THSD7B: variants seen among roughly 807,000 people sequenced by gnomAD.
The protein encoded by THSD7B is thrombospondin type-1 domain-containing protein 7B.
Under a neutral mutation model 213.6 loss-of-function variants are expected in THSD7B, and 138 were observed. That is an observed-to-expected ratio of 0.65 (90% CI 0.56 to 0.74). The LOEUF is 0.74. Among genes scored for constraint, THSD7B ranks in the 30% least tolerant of loss-of-function variants. The pLI, the probability that THSD7B is intolerant of heterozygous loss-of-function variation, is 0.00. For missense variants in THSD7B, 1,931 were observed against 1,991.5 expected (o/e 0.97, Z 0.58); for synonymous variants, 742 against 687.0 (o/e 1.08, Z -1.25).
At chr2:137,319,530 C>T (rs1189661778) in intron 12 of THSD7B, among the ~76,000 whole-genome samples, 6 of 152,208 alleles carry the variant, frequency 3.9e-5, no homozygotes, top group Non-Finnish European at 8.8e-5. Context: ...TTAATCCAGA[C>T]CCTTGCTGTT....
At chr2:137,381,616 C>T (rs981553119) in intron 12 of THSD7B, among the ~76,000 whole-genome samples, 1 of 152,170 alleles carries the variant, frequency 6.6e-6, no homozygotes, top group Non-Finnish European at 1.5e-5. Context: ...CCTGCGGGGG[C>T]CTCCCCAGTG....
At chr2:137,115,082 TCTTA>T (rs1234530055) in intron 4 of THSD7B, 38 bp from the exon 5 acceptor site, 1 of 1,610,514 alleles carries the variant, frequency 6.2e-7, no homozygotes, top group African/African-American at 1.3e-5. Context: ...TGTATATTTT[TCTTA>T]CTTCTTCTTC....
chr2:137,187,756 G>T (rs924828497), intron 7 of THSD7B, among the ~76,000 whole-genome samples: 1 of 152,114 alleles, frequency 6.6e-6, no homozygotes, highest in Admixed American at 6.6e-5. Flanking sequence ...AATATCTTGT[G>T]TTGATAGACT....
intron 7 of THSD7B, among the ~76,000 whole-genome samples, chr2:137,205,973 C>T (rs1183609433): frequency 1.3e-5 from 2 of 151,668 alleles, no homozygotes; most frequent in African/African-American, 4.8e-5. Context: ...TCTTCTATTA[C>T]TAAAGTATAT....
At chr2:137,095,974 T>A (rs113897761) in intron 4 of THSD7B, among the ~76,000 whole-genome samples, 3 of 152,184 alleles carry the variant, frequency 2.0e-5, no homozygotes, top group Non-Finnish European at 4.4e-5. Flanking sequence ...AGTGCTGGGA[T>A]TGCAGGCTTG....
chr2:137,061,075 A>G (rs1687260435), intron 3 of THSD7B, among the ~76,000 whole-genome samples: 1 of 151,716 alleles, frequency 6.6e-6, no homozygotes. Context: ...ATTGTGTCAG[A>G]TTTAGATTAA....
chr2:137,564,237 A>G (rs1468045591), intron 16 of THSD7B, among the ~76,000 whole-genome samples: 1 of 152,202 alleles, frequency 6.6e-6, no homozygotes, highest in East Asian at 1.9e-4. Flanking sequence ...GTCAGTTGCA[A>G]GGCAGAGCCT....
intron 6 of THSD7B, among the ~76,000 whole-genome samples, chr2:137,161,155 T>A (rs1046134359): frequency 1.2e-4 from 18 of 152,216 alleles, no homozygotes; most frequent in Non-Finnish European, 5.9e-5. Flanking sequence ...TGTTTATTTT[T>A]GTAGGCCTCT....
At chr2:137,305,665 T>G (rs1246227887) in intron 12 of THSD7B, among the ~76,000 whole-genome samples, 1 of 152,150 alleles carries the variant, frequency 6.6e-6, no homozygotes, top group Non-Finnish European at 1.5e-5. Flanking sequence ...AAAGTCCTAC[T>G]ACCTTCCTTA....
chr2:137,086,309 C>A (rs1390885967), intron 3 of THSD7B, among the ~76,000 whole-genome samples: 1 of 152,028 alleles, frequency 6.6e-6, no homozygotes, highest in Non-Finnish European at 1.5e-5. Flanking sequence ...TGCACCCTAG[C>A]CTGGGCAACA....
chr2:137,613,413 G>T (rs368107556), intron 17 of THSD7B, among the ~76,000 whole-genome samples: 42 of 152,206 alleles, frequency 2.8e-4, no homozygotes, highest in African/African-American at 9.1e-4. Flanking sequence ...TTTAAATCAG[G>T]CAAAAGGCTT....
chr2:137,219,928 T>G (rs571163213), intron 7 of THSD7B, among the ~76,000 whole-genome samples: 1 of 152,310 alleles, frequency 6.6e-6, no homozygotes, highest in African/African-American at 2.4e-5. Flanking sequence ...CAGTTGTTAC[T>G]TCAGTAAACA....
intron 15 of THSD7B, among the ~76,000 whole-genome samples, chr2:137,495,422 C>G (rs1679538838): frequency 6.6e-6 from 1 of 152,110 alleles, no homozygotes; most frequent in African/African-American, 2.4e-5. Context: ...CTCCCTCAAT[C>G]TATCACCCAT....
At chr2:137,630,834 G>A (rs1682727135) in intron 20 of THSD7B, among the ~76,000 whole-genome samples, 1 of 152,164 alleles carries the variant, frequency 6.6e-6, no homozygotes, top group African/African-American at 2.4e-5. Context: ...ATTAAAGTGG[G>A]CATGCGAGTT....
chr2:137,314,910 C>A (rs952218376), intron 12 of THSD7B, among the ~76,000 whole-genome samples: 6 of 152,340 alleles, frequency 3.9e-5, no homozygotes, highest in East Asian at 1.9e-4. Flanking sequence ...CTCTCTTCAA[C>A]GCTGTCAGAC....
At chr2:137,160,391 C>A in intron 6 of THSD7B, 23 bp downstream of exon 6, 1 of 1,608,926 alleles carries the variant, frequency 6.2e-7, no homozygotes, top group Non-Finnish European at 8.5e-7. Context: ...TTTGCATGCG[C>A]TTCATTTGCT....
chr2:137,159,085 G>A (rs77391598), intron 5 of THSD7B, among the ~76,000 whole-genome samples: 7,948 of 152,068 alleles, frequency 0.052, 675 homozygotes, highest in African/African-American at 0.18. Flanking sequence ...GTCTTCACAA[G>A]GATTGGGATC....
intron 7 of THSD7B, among the ~76,000 whole-genome samples, chr2:137,223,735 A>G (rs56341734): frequency 0.54 from 81,563 of 151,954 alleles, 22,121 homozygotes; most frequent in South Asian, 0.7. Flanking sequence ...ATGTGGTTTG[A>G]ATTTGTGACT....
chr2:137,589,434 T>A (rs1683707093), intron 17 of THSD7B, among the ~76,000 whole-genome samples: 2 of 152,342 alleles, frequency 1.3e-5, no homozygotes, highest in African/African-American at 2.4e-5. Context: ...TCTACATTTT[T>A]AAAATTCAAC....
Sources: gnomAD v4.1 joint callset for allele counts (sites outside exome capture counted in the v4.1 genomes callset) on GRCh38, gnomAD v4.1.1 for gene constraint, MANE v1.5 for transcripts, NCBI Gene and HGNC (gene_info 2026-07-23, HGNC 2026-07-21) for gene names.